Variants in DOCK11 observed in about 807,000 individuals in gnomAD.
DOCK11 encodes dedicator of cytokinesis protein 11.
DOCK11 carries 70 observed loss-of-function variants against 169.1 expected under a neutral mutation model. That is an observed-to-expected ratio of 0.41 (90% CI 0.34 to 0.51). The LOEUF (loss-of-function observed/expected upper bound fraction) is 0.51, where lower values mean the gene tolerates loss of function less well. Ranked by LOEUF, DOCK11 falls within the 20% of genes least tolerant of loss-of-function variation. The pLI is 0.10. For synonymous variants in DOCK11, 529 were observed against 541.3 expected (o/e 0.98, Z 0.32); for missense variants, 1,166 against 1,538.8 (o/e 0.76, Z 4.05).
intron 46 of DOCK11, among the ~76,000 whole-genome samples, chrX:118,672,391 A>G (rs1462974630): frequency 8.9e-6 from 1 of 112,689 alleles, no homozygotes; most frequent in Non-Finnish European, 1.9e-5. Flanking sequence ...AAGCCATTTT[A>G]AAAAAGCAAG....
At chrX:118,654,520 A>G (rs2016018939) in intron 42 of DOCK11, 82 bp from the exon 43 acceptor site, 4 of 906,440 alleles carry the variant, frequency 4.4e-6, no homozygotes, top group Non-Finnish European at 6.3e-6. Flanking sequence ...TGAAAATCAT[A>G]TGTCCTCAGC....
At chrX:118,513,189 C>T (rs1234017209) in intron 1 of DOCK11, among the ~76,000 whole-genome samples, 6 of 112,160 alleles carry the variant, frequency 5.3e-5, no homozygotes, top group Non-Finnish European at 9.4e-5. Flanking sequence ...TTCTTTCTCT[C>T]TCCTCTGTTT....
At chrX:118,526,365 G>A (rs1348667663) in intron 1 of DOCK11, among the ~76,000 whole-genome samples, 3 of 112,233 alleles carry the variant, frequency 2.7e-5, no homozygotes, top group Admixed American at 1.9e-4. Context: ...TCAGCTAGCT[G>A]TTCTGTCAAT....
At chrX:118,668,762 C>A (rs900790309) in intron 45 of DOCK11, among the ~76,000 whole-genome samples, 6 of 110,797 alleles carry the variant, frequency 5.4e-5, no homozygotes, top group African/African-American at 1.6e-4. Context: ...TAGTGTCTTG[C>A]CTACCCTATA....
intron 1 of DOCK11, among the ~76,000 whole-genome samples, chrX:118,502,699 A>G (rs1339649387): frequency 2.7e-5 from 3 of 111,952 alleles, no homozygotes; most frequent in Non-Finnish European, 5.6e-5. Flanking sequence ...TAACGAAGGT[A>G]ACATATGGAA....
intron 1 of DOCK11, 52 bp from the exon 2 acceptor site, chrX:118,542,673 T>C: frequency 1.1e-6 from 1 of 922,282 alleles, no homozygotes; most frequent in Non-Finnish European, 1.6e-6. Flanking sequence ...TAGAAAGTTA[T>C]TTAACTCTTG....
chrX:118,615,497 A>T, intron 29 of DOCK11, 103 bp from the exon 30 acceptor site: 2 of 612,039 alleles, frequency 3.3e-6, no homozygotes, highest in Non-Finnish European at 5.1e-6. Flanking sequence ...GTATGCTTAG[A>T]ATACTAAGCA....
At chrX:118,570,083 A>T (rs1416179838) in intron 10 of DOCK11, among the ~76,000 whole-genome samples, 1 of 112,378 alleles carries the variant, frequency 8.9e-6, no homozygotes, top group Non-Finnish European at 1.9e-5. Context: ...AATGTTGGTT[A>T]TGGAAGGCAG....
chrX:118,685,701 A>T lies in DOCK11; in HGVS notation c.6116A>T (p.Asp2039Val). The change falls in exon 53 of 53, where the codon GAC (aspartate) becomes GTC (valine). Residue 2039 changes from aspartate to valine, a missense_variant. By Grantham distance (152) the Asp-to-Val change is radical. Coordinates refer to ENST00000276202, the MANE Select transcript of DOCK11 (RefSeq NM_144658.4). ...DIIHEQILQE[D>V]TMHSPWMSNT... ...CTTCTGTTTTAGATATTACAAGAAG[A>T]CACAATGCATTCTCCCTGGATGAGC... is the stretch of plus-strand genomic sequence containing the variant. 3 of 1,210,392 alleles carry T rather than the reference A, an allele frequency of 2.5e-6. No homozygotes were observed. The highest frequency in any genetic ancestry group is 3.4e-6 in the Non-Finnish European group (3 of 894,692).
chrX:118,583,564 T>C (rs965966889), intron 14 of DOCK11, among the ~76,000 whole-genome samples: 4 of 110,326 alleles, frequency 3.6e-5, no homozygotes, highest in African/African-American at 1.3e-4. Flanking sequence ...GTGTGTTGGG[T>C]GCGTGTATAT....
chrX:118,607,605 G>A (rs1442280477), intron 24 of DOCK11, among the ~76,000 whole-genome samples: 9 of 107,587 alleles, frequency 8.4e-5, no homozygotes, highest in African/African-American at 2.7e-4. Context: ...GTATTTTTTG[G>A]TAGAGACGGG....
At chrX:118,564,655 C>T (rs1434048417) in intron 7 of DOCK11, among the ~76,000 whole-genome samples, 2 of 111,247 alleles carry the variant, frequency 1.8e-5, no homozygotes, top group African/African-American at 3.3e-5. Context: ...TTCTTCTTTG[C>T]TTGCTTGCTA....
chrX:118,561,976 G>A (rs2012926613), intron 7 of DOCK11, among the ~76,000 whole-genome samples: 1 of 109,846 alleles, frequency 9.1e-6, no homozygotes, highest in South Asian at 4.0e-4. Context: ...GACTAGCCTA[G>A]GCAACATGGT....
intron 44 of DOCK11, among the ~76,000 whole-genome samples, chrX:118,657,963 A>T (rs2016118844): frequency 9.1e-6 from 1 of 109,550 alleles, no homozygotes; most frequent in Non-Finnish European, 1.9e-5. Flanking sequence ...CTCCAAAACT[A>T]TTTTTTTTAA....
Position 118,636,402 on chromosome X carries a change from A to G in DOCK11, c.3943A>G (p.Ile1315Val), listed in dbSNP as rs753048663. ...ACCTCAGGAGCTCATAAACATTCTTATACTTTTAGAGTAAGTTATATTAAT... is the reference window on the plus strand; with the variant it reads ...ACCTCAGGAGCTCATAAACATTCTTGTACTTTTAGAGTAAGTTATATTAAT... The part of the protein sequence containing the change: ...VSPQELINIL[I>V]LLEVCLFHFR... Residue 1315 changes from isoleucine to valine, a missense_variant, in exon 36 of 53, where the codon ATA becomes GTA. By Grantham distance (29) the Ile-to-Val change is conservative. Transcript: ENST00000276202. 3.9e-6 allele frequency: 4 copies of G among 1,037,087 alleles called. No homozygotes were observed. In the South Asian group the frequency reaches 6.6e-5, roughly 17 times the overall value. The allele number at this position is 1,037,087 out of a possible 1,213,427, so 85.5% of individuals were successfully genotyped here.
intron 26 of DOCK11, 151 bp downstream of exon 26, chrX:118,608,507 C>A: frequency 1.5e-6 from 1 of 678,403 alleles, no homozygotes; most frequent in Non-Finnish European, 2.1e-6. Context: ...CTGAAGTTCT[C>A]CACAGAACCT....
intron 48 of DOCK11, among the ~76,000 whole-genome samples, chrX:118,678,828 T>C (rs965135216): frequency 1.8e-5 from 2 of 110,917 alleles, no homozygotes; most frequent in African/African-American, 6.6e-5. Flanking sequence ...TGGAGTGCTG[T>C]GGCACGATCA....
Position 118,676,628 on chromosome X carries a change from A to G in DOCK11, c.5351A>G (p.Tyr1784Cys), listed in dbSNP as rs1490220294. 2.5e-6 allele frequency: 3 copies of G among 1,198,602 alleles called. No individual in the cohort carries two copies. In the South Asian group the frequency reaches 5.5e-5, roughly 22 times the overall value. ...FEEEDGKEYI[Y>C]KEPKLTGLSE... The stretch of plus-strand genomic sequence containing the variant: ...GAAGAAGATGGAAAGGAGTACATCT[A>G]TAAAGAACCAAAGCTCACTGGCCTC... The change falls in exon 48 of 53, where the codon TAT (tyrosine) becomes TGT (cysteine). Residue 1784 changes from tyrosine (Y) to cysteine (C), a missense_variant. Coordinates refer to ENST00000276202, the MANE Select transcript of DOCK11 (RefSeq NM_144658.4).
intron 1 of DOCK11, among the ~76,000 whole-genome samples, chrX:118,531,565 ATTG>A (rs1266583130): frequency 2.2e-5 from 2 of 92,133 alleles, no homozygotes; most frequent in Non-Finnish European, 4.2e-5. Context: ...ATATATATAT[ATTG>A]TTTTTTTGAA....
Sources: gnomAD v4.1 joint callset for allele counts (sites outside exome capture counted in the v4.1 genomes callset) on GRCh38, gnomAD v4.1.1 for gene constraint, MANE v1.5 for transcripts, NCBI Gene and HGNC (gene_info 2026-07-23, HGNC 2026-07-21) for gene names.